Variants in WDFY3 observed in about 807,000 individuals in gnomAD.
WDFY3 encodes WD repeat and FYVE domain-containing protein 3.
In WDFY3, 66 loss-of-function variants were observed where a neutral mutation model predicts 409.6. The observed-to-expected ratio is 0.16, with a 90% CI of 0.13 to 0.20. The LOEUF (loss-of-function observed/expected upper bound fraction) is 0.20, where lower values mean the gene tolerates loss of function less well. Ranked by LOEUF, WDFY3 falls within the 10% of genes least tolerant of loss-of-function variation. The pLI, the probability that WDFY3 is intolerant of heterozygous loss-of-function variation, is 1.00. For missense variants in WDFY3, 3,031 were observed against 4,298.1 expected, an observed-to-expected ratio of 0.71 and a Z score of 8.24; for synonymous variants, 1,521 against 1,537.1, an observed-to-expected ratio of 0.99 and a Z score of 0.25.
chr4:84,865,969 C>G (rs758148897), intron 3 of WDFY3, among the ~76,000 whole-genome samples: 7 of 152,030 alleles, frequency 4.6e-5, no homozygotes, highest in Non-Finnish European at 1.0e-4. Context: ...ACTAGGGAGG[C>G]TGAGATGAGG....
At chr4:84,927,897 G>C (rs987509229) in intron 2 of WDFY3, among the ~76,000 whole-genome samples, 2 of 152,206 alleles carry the variant, frequency 1.3e-5, no homozygotes, top group Non-Finnish European at 2.9e-5. Context: ...AGCTGGTAAA[G>C]CAGTAATTAT....
intron 7 of WDFY3, among the ~76,000 whole-genome samples, chr4:84,832,603 T>C (rs970770243): frequency 1.3e-5 from 2 of 152,188 alleles, no homozygotes; most frequent in African/African-American, 2.4e-5. Context: ...CTGTGACCTA[T>C]AAATATATGC....
intron 1 of WDFY3, among the ~76,000 whole-genome samples, chr4:84,965,224 A>C (rs1775479998): frequency 6.6e-6 from 1 of 152,218 alleles, no homozygotes; most frequent in Non-Finnish European, 1.5e-5. Flanking sequence ...CCACTATTTA[A>C]AAAGCCCGAA....
chr4:84,948,716 G>A (rs1448755745), intron 1 of WDFY3, among the ~76,000 whole-genome samples: 5 of 152,074 alleles, frequency 3.3e-5, no homozygotes, highest in Admixed American at 2.6e-4. Context: ...TTATAGCTCA[G>A]CTATTATAAC....
rs1354412455 is a variant in WDFY3, at chr4:84,696,907, TG to T, written c.8597-85del. The T allele has an allele frequency of 8.1e-6, 10 of 1,236,702 alleles. No homozygotes were observed. In the Admixed American group the frequency reaches 1.6e-4, roughly 20 times the overall value. 76.6% of individuals were successfully genotyped at this position (1,236,702 alleles called of 1,614,324 possible). On this transcript the variant is annotated intron_variant, in intron 56 of 67. Coordinates refer to ENST00000295888, the MANE Select transcript of WDFY3 (RefSeq NM_014991.6). ...TTATATTAATCTGACTGAGAAATGG[TG>T]GGTTAGATTCAATACCAGAACGCTA...
At chr4:84,837,530 A>C (rs1756754148) in intron 6 of WDFY3, among the ~76,000 whole-genome samples, 1 of 152,146 alleles carries the variant, frequency 6.6e-6, no homozygotes, top group Non-Finnish European at 1.5e-5. Context: ...TTAAGCACTA[A>C]ATTGTATATT....
intron 42 of WDFY3, 68 bp from the exon 43 acceptor site, chr4:84,735,188 T>TCAAGG: frequency 7.3e-7 from 1 of 1,369,940 alleles, no homozygotes; most frequent in Non-Finnish European, 1.0e-6. Flanking sequence ...TAATTACCCT[T>TCAAGG]GAAATTAATG....
At chr4:84,676,874 T>C (rs190976961) in intron 67 of WDFY3, among the ~76,000 whole-genome samples, 12 of 152,250 alleles carry the variant, frequency 7.9e-5, no homozygotes, top group African/African-American at 2.4e-5. Context: ...ATGGGTGTGA[T>C]TGGTGAAAGG....
chr4:84,920,248 G>A (rs1769099498), intron 2 of WDFY3, among the ~76,000 whole-genome samples: 5 of 152,164 alleles, frequency 3.3e-5, no homozygotes, highest in Admixed American at 3.3e-4. Context: ...AACTGCCATA[G>A]AAGGCACTTA....
At chr4:84,709,527 T>C (rs531221206) in intron 51 of WDFY3, among the ~76,000 whole-genome samples, 180 bp from the exon 52 acceptor site, 2 of 152,214 alleles carry the variant, frequency 1.3e-5, no homozygotes, top group Admixed American at 6.5e-5. Context: ...TGAAGTAACA[T>C]AGAACTGAAC....
At chr4:84,964,404 G>T (rs1268346163) in intron 1 of WDFY3, among the ~76,000 whole-genome samples, 1 of 152,230 alleles carries the variant, frequency 6.6e-6, no homozygotes, top group African/African-American at 2.4e-5. Flanking sequence ...AGAAGTTCAA[G>T]GCTGCAGTGA....
At chr4:84,703,890 C>T (rs949466729) in intron 55 of WDFY3, among the ~76,000 whole-genome samples, 1 of 152,140 alleles carries the variant, frequency 6.6e-6, no homozygotes, top group African/African-American at 2.4e-5. Flanking sequence ...ATAAACTGCA[C>T]AGGTAAGGCT....
chr4:84,943,401 G>A (rs1465241595), intron 1 of WDFY3, among the ~76,000 whole-genome samples: 1 of 152,036 alleles, frequency 6.6e-6, no homozygotes, highest in African/African-American at 2.4e-5. Context: ...CTACTCAGGA[G>A]GCTGAGGCAG....
At position 84,678,295 on chromosome 4, in the gene WDFY3, G is replaced by A; in HGVS notation, c.10148-16C>T. Reference sequence around the variant, plus strand: ...CATCGGTACCCTGGAATGGAGAAGTGGAGGACACAACATAACTCAACTGAG... The same window carrying A: ...CATCGGTACCCTGGAATGGAGAAGTAGAGGACACAACATAACTCAACTGAG... On this transcript the variant is annotated splice_polypyrimidine_tract_variant and intron_variant, in intron 65 of 67. Transcript: ENST00000295888. 1.9e-6 allele frequency: 3 copies of A among 1,589,492 alleles called. No homozygotes were observed. Among genetic ancestry groups the A allele is most frequent in the Non-Finnish European group, 1.7e-6 (2 of 1,157,640 alleles).
intron 45 of WDFY3, 150 bp downstream of exon 45, chr4:84,726,711 C>T (rs190557860): frequency 2.0e-4 from 119 of 607,990 alleles, no homozygotes; most frequent in African/African-American, 1.2e-3. Context: ...ATGAAACCAA[C>T]GGTTCAACTC....
intron 3 of WDFY3, among the ~76,000 whole-genome samples, chr4:84,866,773 T>C (rs555762798): frequency 6.6e-6 from 1 of 152,356 alleles, no homozygotes; most frequent in South Asian, 2.1e-4. Flanking sequence ...CTTCATTCCT[T>C]CGTTACTTGT....
intron 2 of WDFY3, among the ~76,000 whole-genome samples, chr4:84,911,679 A>G (rs1196028704): frequency 2.0e-5 from 3 of 152,218 alleles, no homozygotes; most frequent in South Asian, 2.1e-4. Flanking sequence ...GACAAACTTC[A>G]TAGCCTAGGA....
At chr4:84,929,323 T>C (rs1770425568) in intron 2 of WDFY3, among the ~76,000 whole-genome samples, 2 of 152,112 alleles carry the variant, frequency 1.3e-5, no homozygotes, top group Admixed American at 1.3e-4. Flanking sequence ...GCAGATATGT[T>C]AGGTGCAGCT....
chr4:84,815,264 C>A (rs973671348), intron 13 of WDFY3, among the ~76,000 whole-genome samples: 1 of 152,068 alleles, frequency 6.6e-6, no homozygotes, highest in Non-Finnish European at 1.5e-5. Context: ...TCAAAGAATT[C>A]ACAGATATCC....
Sources: allele counts gnomAD v4.1 joint callset (sites outside exome capture counted in the v4.1 genomes callset), GRCh38; gene constraint gnomAD v4.1.1; transcripts MANE v1.5; gene names NCBI Gene and HGNC (gene_info 2026-07-23, HGNC 2026-07-21).